PLEKHA8: variants seen among roughly 807,000 people sequenced by gnomAD.
The protein encoded by PLEKHA8 is pleckstrin homology domain containing A8.
In PLEKHA8, 36 loss-of-function variants were observed where a neutral mutation model predicts 68.2. The observed-to-expected ratio is 0.53, with a 90% CI of 0.40 to 0.70. PLEKHA8 has a LOEUF of 0.70. Among genes scored for constraint, PLEKHA8 ranks in the 30% least tolerant of loss-of-function variants. The pLI is 0.00. For missense variants in PLEKHA8, 505 were observed against 615.4 expected, an observed-to-expected ratio of 0.82 and a Z score of 1.90; for synonymous variants, 211 against 216.1, an observed-to-expected ratio of 0.98 and a Z score of 0.20.
chr7:30,049,039 G>A (rs1403328484), intron 4 of PLEKHA8, among the ~76,000 whole-genome samples, 185 bp from the exon 5 acceptor site: 1 of 151,788 alleles, frequency 6.6e-6, no homozygotes, highest in East Asian at 1.9e-4. Context: ...GTAGGTGAAA[G>A]TCAAATAGTG....
chr7:30,083,507 T>A lies in PLEKHA8; in HGVS notation c.*4720T>A. ...GTCCTGTGTACAGTGACTATTTGCATGATTTCTCATTGCACTGCTGCATTC... is the reference window on the plus strand; with the variant it reads ...GTCCTGTGTACAGTGACTATTTGCAAGATTTCTCATTGCACTGCTGCATTC... On this transcript the variant is annotated 3_prime_UTR_variant, in exon 14 of 14. Transcript: ENST00000449726. 1.0e-6 allele frequency: 1 copy of A among 985,244 alleles called. No individual in the cohort carries two copies. The highest frequency in any genetic ancestry group is 1.2e-6 in the Non-Finnish European group (1 of 829,754). The allele number at this position is 985,244 out of a possible 1,614,324, so 61.0% of individuals were successfully genotyped here. A position where few individuals can be genotyped will look rare whatever the true frequency, so the allele number is the denominator to read the frequency against.
intron 13 of PLEKHA8, among the ~76,000 whole-genome samples, chr7:30,116,252 A>G (rs202040265): frequency 2.1e-5 from 3 of 141,278 alleles, no homozygotes; most frequent in South Asian, 2.1e-4. Context: ...ATACATGTAC[A>G]CGTATACATG....
intron 1 of PLEKHA8, among the ~76,000 whole-genome samples, chr7:30,042,380 A>C (rs1791611371): frequency 6.6e-6 from 1 of 152,208 alleles, no homozygotes; most frequent in Non-Finnish European, 1.5e-5. Context: ...AACACTCACA[A>C]ATACAGATGG....
intron 13 of PLEKHA8, among the ~76,000 whole-genome samples, chr7:30,098,788 C>T (rs1035337604): frequency 6.6e-6 from 1 of 152,266 alleles, no homozygotes; most frequent in South Asian, 2.1e-4. Flanking sequence ...CTGGGTGATG[C>T]GATGTTGCGC....
intron 9 of PLEKHA8, among the ~76,000 whole-genome samples, chr7:30,056,343 A>C (rs1792911665): frequency 1.6e-5 from 2 of 128,386 alleles, no homozygotes; most frequent in Admixed American, 8.2e-5. Context: ...AATAACATAT[A>C]TATAATATAT....
downstream of PLEKHA8, among the ~76,000 whole-genome samples, chr7:30,094,005 T>C (rs770284555): frequency 6.6e-6 from 1 of 152,218 alleles, no homozygotes; most frequent in Non-Finnish European, 1.5e-5. Context: ...TGCTAGCATA[T>C]AGCACTGTGC....
chr7:30,043,448 A>G (rs1791694835), intron 1 of PLEKHA8, among the ~76,000 whole-genome samples: 1 of 152,226 alleles, frequency 6.6e-6, no homozygotes, highest in South Asian at 2.1e-4. Context: ...TCCATATAAA[A>G]TATAATAAGA....
intron 9 of PLEKHA8, among the ~76,000 whole-genome samples, chr7:30,060,442 AAAAC>A (rs61681693): frequency 0.17 from 25,386 of 152,012 alleles, 2,130 homozygotes; most frequent in Middle Eastern, 0.22. Context: ...CCATCTCAAA[AAAAC>A]AAACAAACCG....
intron 13 of PLEKHA8, among the ~76,000 whole-genome samples, chr7:30,075,487 A>G (rs985172094): frequency 1.3e-5 from 2 of 152,206 alleles, no homozygotes; most frequent in Non-Finnish European, 2.9e-5. Context: ...CCAGTCCCCA[A>G]GTACCAGAGT....
chr7:30,076,919 A>G (rs977952473), intron 13 of PLEKHA8, among the ~76,000 whole-genome samples: 3 of 152,154 alleles, frequency 2.0e-5, no homozygotes, highest in African/African-American at 7.2e-5. Flanking sequence ...CCAAATAGTG[A>G]CCTTTTAATC....
intron 13 of PLEKHA8, among the ~76,000 whole-genome samples, chr7:30,113,209 T>C (rs1433907257): frequency 6.6e-6 from 1 of 152,200 alleles, no homozygotes; most frequent in East Asian, 1.9e-4. Context: ...TTCTTCTGGT[T>C]TTGATTTGCT....
rs1184856203 is a variant in PLEKHA8 at position 30,083,579 on chromosome 7, G to A, written c.*4792G>A. ...AACAGTCATTAACAGTGCCTCTCTGGTACAGTTGATGCATGCATTGATCTT... is the reference window on the plus strand; with the variant it reads ...AACAGTCATTAACAGTGCCTCTCTGATACAGTTGATGCATGCATTGATCTT... On this transcript the variant is annotated 3_prime_UTR_variant, in exon 14 of 14. Coordinates refer to ENST00000449726, the MANE Select transcript of PLEKHA8 (RefSeq NM_001197026.2). The A allele has an allele frequency of 7.1e-6, 7 of 985,272 alleles. No homozygotes were observed. The East Asian group carries it at 6.8e-4, about 96-fold the overall frequency. The allele number at this position is 985,272 out of a possible 1,614,324, so 61.0% of individuals were successfully genotyped here. A position where few individuals can be genotyped will look rare whatever the true frequency, so the allele number is the denominator to read the frequency against.
intron 13 of PLEKHA8, among the ~76,000 whole-genome samples, chr7:30,098,494 G>T (rs1583466754): frequency 6.6e-6 from 1 of 152,374 alleles, no homozygotes; most frequent in East Asian, 1.9e-4. Context: ...CTTCCCGGCT[G>T]CTTTGTTTAC....
chr7:30,107,523 AT>A (rs1297840296), intron 13 of PLEKHA8, among the ~76,000 whole-genome samples: 1 of 151,966 alleles, frequency 6.6e-6, no homozygotes, highest in Admixed American at 6.6e-5. Flanking sequence ...TTACTTTCTA[AT>A]CTTTATAAAT....
Position 30,080,155 on chromosome 7 carries a change from G to C in PLEKHA8, c.*1368G>C. 1 of 985,316 alleles carries C rather than the reference G, an allele frequency of 1.0e-6. No individual in the cohort carries two copies. The highest frequency in any genetic ancestry group is 1.2e-6 in the Non-Finnish European group (1 of 829,860). 61.0% of individuals were successfully genotyped at this position (985,316 alleles called of 1,614,324 possible). On this transcript the variant is annotated 3_prime_UTR_variant, in exon 14 of 14. Coordinates refer to ENST00000449726, the MANE Select transcript of PLEKHA8 (RefSeq NM_001197026.2). ...TCAAAAGCTTTGGGACAGTGTCATA[G>C]TTGAAAGATGAGACTTAAGAAAACA...
intron 1 of PLEKHA8, among the ~76,000 whole-genome samples, chr7:30,031,069 T>G (rs1356090536): frequency 1.3e-5 from 2 of 152,236 alleles, no homozygotes; most frequent in African/African-American, 4.8e-5. Flanking sequence ...TTGTGTCAAA[T>G]TTGAGTGAAG....
chr7:30,101,344 G>C (rs1795845709), intron 13 of PLEKHA8, among the ~76,000 whole-genome samples: 1 of 152,176 alleles, frequency 6.6e-6, no homozygotes, highest in Non-Finnish European at 1.5e-5. Flanking sequence ...AGACCGGGTA[G>C]CTTATGAACA....
At chr7:30,078,560 T>C (rs752679117) in intron 13 of PLEKHA8, 30 bp from the exon 14 acceptor site, 2 of 1,610,578 alleles carry the variant, frequency 1.2e-6, no homozygotes, top group East Asian at 4.5e-5. Context: ...ACAGACTTGA[T>C]GCAGATTCTC....
chr7:30,062,742 A>G lies in PLEKHA8; in HGVS notation c.1300A>G (p.Asn434Asp). 6.2e-7 allele frequency: 1 copy of G among 1,611,136 alleles called. No homozygotes were observed. The highest frequency in any genetic ancestry group is 8.5e-7 in the Non-Finnish European group (1 of 1,177,448). ...GGAGAAGGATATCCAGACAGCCCTA[A>G]GTAAGTGTTCTTTATGTTTTGTTGA... ...NGEKDIQTALNNAYGKTLRQH... is the reference protein window; with the variant it reads ...NGEKDIQTALDNAYGKTLRQH... The change falls in exon 12 of 14, where the codon AAT becomes GAT. Residue 434 changes from asparagine to aspartate, a missense_variant and splice_region_variant. Physicochemically the swap from Asn to Asp is conservative, Grantham distance 23 (BLOSUM62 1). Coordinates refer to ENST00000449726, the MANE Select transcript of PLEKHA8 (RefSeq NM_001197026.2).
Sources: allele counts gnomAD v4.1 joint callset (sites outside exome capture counted in the v4.1 genomes callset), GRCh38; gene constraint gnomAD v4.1.1; transcripts MANE v1.5; gene names NCBI Gene and HGNC (gene_info 2026-07-23, HGNC 2026-07-21).